The following DAB1 variants were observed in gnomAD, a reference collection of about 807,000 sequenced individuals.
DAB1 encodes the protein disabled homolog 1.
A neutral mutation model predicts 64.6 loss-of-function variants in DAB1; 15 were observed. That is an observed-to-expected ratio of 0.23 (90% CI 0.16 to 0.36). The LOEUF (loss-of-function observed/expected upper bound fraction) is 0.36, where lower values mean the gene tolerates loss of function less well. Among genes scored for constraint, DAB1 ranks in the 10% least tolerant of loss-of-function variants. The pLI, the probability that DAB1 is intolerant of heterozygous loss-of-function variation, is 1.00. For synonymous variants in DAB1, 235 were observed against 251.9 expected, an observed-to-expected ratio of 0.93 and a Z score of 0.64; for missense variants, 596 against 706.7, an observed-to-expected ratio of 0.84 and a Z score of 1.78.
At chr1:57,893,394 G>A (rs144279040) in intron 5 of DAB1, among the ~76,000 whole-genome samples, 1 of 152,194 alleles carries the variant, frequency 6.6e-6, no homozygotes, top group African/African-American at 2.4e-5. Flanking sequence ...ATCAAATGGT[G>A]TATTTTTTTG....
intron 1 of DAB1, among the ~76,000 whole-genome samples, chr1:57,353,201 T>C (rs1247146012): frequency 6.6e-6 from 1 of 151,818 alleles, no homozygotes; most frequent in Non-Finnish European, 1.5e-5. Flanking sequence ...CATAGCACTT[T>C]TCAGTTTTGT....
In DAB1 at chr1:57,855,285, T is replaced by C. The variant is rs548033453; in HGVS notation, n.87+28714A>G. The stretch of plus-strand genomic sequence containing the variant: ...AAATATGATCTTATTTAATCCTCAT[T>C]CATTTACTCATTCAAAAAATACTTG... On this transcript the variant is annotated intron_variant and non_coding_transcript_variant, in intron 1 of 1. Coordinates refer to the DAB1 transcript ENST00000477280. 3.9e-5 allele frequency among the ~76,000 whole-genome samples: 6 copies of C among 152,266 alleles called. No homozygotes were observed. In the East Asian group the frequency reaches 7.7e-4, roughly 20 times the overall value.
intron 1 of DAB1, among the ~76,000 whole-genome samples, chr1:57,306,162 C>T (rs1229252507): frequency 6.6e-6 from 1 of 151,992 alleles, no homozygotes; most frequent in African/African-American, 2.4e-5. Flanking sequence ...GTATCAAGTC[C>T]CGGGTCCCAC....
At chr1:57,573,699 C>T (rs550252260) in intron 7 of DAB1, among the ~76,000 whole-genome samples, 76 of 152,150 alleles carry the variant, frequency 5.0e-4, no homozygotes, top group Non-Finnish European at 9.4e-4. Flanking sequence ...ACTGAGCCTC[C>T]GTATGGTTAC....
intron 5 of DAB1, among the ~76,000 whole-genome samples, chr1:58,076,671 T>A (rs1030957918): frequency 1.3e-5 from 2 of 152,222 alleles, no homozygotes; most frequent in African/African-American, 2.4e-5. Flanking sequence ...AATCTAGCAG[T>A]CTTTCCAGTT....
At chr1:58,095,213 A>G (rs1244206858) in intron 5 of DAB1, among the ~76,000 whole-genome samples, 5 of 152,220 alleles carry the variant, frequency 3.3e-5, no homozygotes, top group African/African-American at 1.2e-4. Flanking sequence ...AATGTTTGAT[A>G]TATGACTAAA....
chr1:57,169,257 C>G (rs967348741), intron 2 of DAB1, among the ~76,000 whole-genome samples: 12 of 152,046 alleles, frequency 7.9e-5, no homozygotes, highest in African/African-American at 2.2e-4. Context: ...ATAGAGAAAC[C>G]CACTCTTCAA....
intron 7 of DAB1, among the ~76,000 whole-genome samples, chr1:57,542,380 T>C (rs1644812454): frequency 1.3e-5 from 2 of 150,290 alleles, no homozygotes; most frequent in Admixed American, 1.3e-4. Context: ...CCCCCTAGGG[T>C]CAAGATGTGA....
chr1:57,910,321 G>T (rs1055995314), intron 5 of DAB1, among the ~76,000 whole-genome samples: 4 of 152,102 alleles, frequency 2.6e-5, no homozygotes, highest in African/African-American at 9.7e-5. Context: ...TGTATACAAA[G>T]AACAAGATCC....
At chr1:57,415,969 G>C (rs892109055) in intron 1 of DAB1, among the ~76,000 whole-genome samples, 2 of 152,124 alleles carry the variant, frequency 1.3e-5, no homozygotes, top group African/African-American at 4.8e-5. Context: ...GTGAAAGCAA[G>C]GATAGAAAAC....
chr1:58,099,069 A>G (rs1651160450), intron 5 of DAB1, among the ~76,000 whole-genome samples: 1 of 152,176 alleles, frequency 6.6e-6, no homozygotes, highest in Non-Finnish European at 1.5e-5. Flanking sequence ...GTCCTAGAGC[A>G]GTATCAGTAA....
chr1:57,331,373 G>C (rs1015135547), intron 1 of DAB1, among the ~76,000 whole-genome samples: 1 of 152,140 alleles, frequency 6.6e-6, no homozygotes, highest in Non-Finnish European at 1.5e-5. Context: ...AATTGGCATA[G>C]AGAGGCTTAA....
At chr1:57,182,966 C>G (rs550172463) in intron 2 of DAB1, among the ~76,000 whole-genome samples, 1 of 152,124 alleles carries the variant, frequency 6.6e-6, no homozygotes, top group Admixed American at 6.5e-5. Flanking sequence ...CTCATTTTAA[C>G]TGCTCAATAG....
chr1:58,344,594 A>G (rs1247944753), intron 3 of DAB1, among the ~76,000 whole-genome samples: 2 of 152,170 alleles, frequency 1.3e-5, no homozygotes, highest in Non-Finnish European at 2.9e-5. Context: ...GAACTAGATA[A>G]TCCGAAAAGC....
intron 7 of DAB1, among the ~76,000 whole-genome samples, chr1:57,498,367 C>T (rs1644253220): frequency 6.6e-6 from 1 of 152,082 alleles, no homozygotes; most frequent in Admixed American, 6.6e-5. Context: ...ATGGTGGAAC[C>T]TTAGGAAACC....
intron 5 of DAB1, among the ~76,000 whole-genome samples, chr1:58,126,242 G>T (rs1424079405): frequency 1.3e-5 from 2 of 152,056 alleles, no homozygotes; most frequent in African/African-American, 4.8e-5. Context: ...TTCCTGTTGG[G>T]GTAACAGGAA....
intron 1 of DAB1, among the ~76,000 whole-genome samples, chr1:57,295,978 T>C (rs1455060962): frequency 6.6e-6 from 1 of 152,098 alleles, no homozygotes; most frequent in Non-Finnish European, 1.5e-5. Flanking sequence ...AAATAACTTA[T>C]AAACACAGAA....
intron 1 of DAB1, among the ~76,000 whole-genome samples, chr1:57,358,681 G>C (rs1159348691): frequency 6.6e-6 from 1 of 151,886 alleles, no homozygotes; most frequent in East Asian, 1.9e-4. Flanking sequence ...ACAATCTTGA[G>C]TTAAAAGAAC....
At chr1:57,605,927 G>C in intron 7 of DAB1, 1 of 688,128 alleles carries the variant, frequency 1.5e-6, no homozygotes, top group Non-Finnish European at 2.7e-6. Context: ...ATCTCAGAAG[G>C]ACTGTGCAAG....
Sources: gnomAD v4.1 joint callset for allele counts (sites outside exome capture counted in the v4.1 genomes callset) on GRCh38, gnomAD v4.1.1 for gene constraint, MANE v1.5 for transcripts, NCBI Gene and HGNC (gene_info 2026-07-23, HGNC 2026-07-21) for gene names.